Variants in SAMHD1 observed in about 807,000 individuals in gnomAD.
SAMHD1 encodes the protein deoxynucleoside triphosphate triphosphohydrolase SAMHD1.
SAMHD1 carries 54 observed loss-of-function variants against 79.6 expected under a neutral mutation model. The observed-to-expected ratio is 0.68, with a 90% CI of 0.55 to 0.85. The LOEUF (loss-of-function observed/expected upper bound fraction) is 0.85, where lower values mean the gene tolerates loss of function less well. Among genes scored for constraint, SAMHD1 ranks in the 40% least tolerant of loss-of-function variants. The probability of loss-of-function intolerance (pLI) is 0.00; values close to 1 mark genes in which losing one functional copy is unlikely to be tolerated. For synonymous variants in SAMHD1, 260 were observed against 264.1 expected, an observed-to-expected ratio of 0.98 and a Z score of 0.15; for missense variants, 663 against 782.7, an observed-to-expected ratio of 0.85 and a Z score of 1.82.
intron 3 of SAMHD1, chr20:36,940,701 TA>T (rs897249101): frequency 0.017 from 4,720 of 283,408 alleles, no homozygotes; most frequent in South Asian, 0.028. Flanking sequence ...CACATTTCAT[TA>T]AAAAAAAAAG....
At chr20:36,940,960 T>A in intron 3 of SAMHD1, 79 bp downstream of exon 3, 1 of 1,092,240 alleles carries the variant, frequency 9.2e-7, no homozygotes, top group Non-Finnish European at 1.4e-6. Context: ...TTTCCTCCTA[T>A]TCTCTTCAAA....
At chr20:36,925,434 G>A (rs187226025) in intron 6 of SAMHD1, among the ~76,000 whole-genome samples, 1 of 152,274 alleles carries the variant, frequency 6.6e-6, no homozygotes, top group Admixed American at 6.5e-5. Context: ...ATGGTTTTTT[G>A]CCTAAGGGCA....
At chr20:36,912,683 AAC>A in intron 9 of SAMHD1, 131 bp from the exon 10 acceptor site, 1 of 695,068 alleles carries the variant, frequency 1.4e-6, no homozygotes, top group Admixed American at 2.1e-5. Context: ...CTTCTTCATT[AAC>A]ACCTTTGACC....
intron 12 of SAMHD1, 178 bp downstream of exon 12, chr20:36,905,186 T>C: frequency 1.5e-6 from 1 of 673,942 alleles, no homozygotes; most frequent in Non-Finnish European, 2.6e-6. Context: ...TTAATCTCAG[T>C]GAAGCCTCAG....
intron 1 of SAMHD1, chr20:36,947,122 G>A (rs1194509454): frequency 3.4e-6 from 1 of 291,862 alleles, no homozygotes; most frequent in African/African-American, 2.2e-5. Context: ...CAGCAGCTTT[G>A]AGTTGGGGAG....
chr20:36,929,483 C>T (rs972567537), intron 5 of SAMHD1, among the ~76,000 whole-genome samples: 51 of 151,946 alleles, frequency 3.4e-4, no homozygotes, highest in African/African-American at 1.2e-3. Context: ...GCCTGTATTC[C>T]CAACACTTTG....
intron 13 of SAMHD1, 200 bp downstream of exon 13, chr20:36,903,957 C>T (rs1167043364): frequency 1.8e-6 from 1 of 546,328 alleles, no homozygotes; most frequent in Non-Finnish European, 3.3e-6. Context: ...AATCACATGA[C>T]CACAATTATA....
intron 1 of SAMHD1, 28 bp downstream of exon 1, chr20:36,951,408 C>G (rs200839126): frequency 1.4e-4 from 223 of 1,612,064 alleles, no homozygotes; most frequent in Non-Finnish European, 1.8e-4. Flanking sequence ...CGCCGCCCTT[C>G]GCCCCTCAGC....
intron 3 of SAMHD1, among the ~76,000 whole-genome samples, chr20:36,935,571 ATT>A (rs35043095): frequency 2.4e-4 from 34 of 142,896 alleles, no homozygotes; most frequent in Non-Finnish European, 3.4e-4. Context: ...ATTATGTCTA[ATT>A]TTTTTTTTTT....
chr20:36,927,314 CT>C lies in SAMHD1; in HGVS notation c.626-63del, dbSNP rs529639777. 110,684 of 741,308 alleles carry C rather than the reference CT, an allele frequency of 0.15. 17 individuals carry two copies. Among genetic ancestry groups the C allele is most frequent in the South Asian group, 0.18 (11,118 of 60,826 alleles). 45.9% of individuals were successfully genotyped at this position (741,308 alleles called of 1,614,324 possible). ...TCTGTAAACCAACAAAAACTTTTTCCTTTTTTTTTTTTTTTTTTTTGAGACG... is the reference window on the plus strand; with the variant it reads ...TCTGTAAACCAACAAAAACTTTTTCCTTTTTTTTTTTTTTTTTTTGAGACG... On this transcript the variant is annotated intron_variant, in intron 5 of 15. Coordinates refer to ENST00000646673, the MANE Select transcript of SAMHD1 (RefSeq NM_015474.4).
At chr20:36,899,696 C>T (rs543254001) in intron 13 of SAMHD1, among the ~76,000 whole-genome samples, 1 of 152,148 alleles carries the variant, frequency 6.6e-6, no homozygotes, top group South Asian at 2.1e-4. Flanking sequence ...AGCTCAGAGG[C>T]AGAGAGGACT....
At chr20:36,927,887 C>T (rs1473657939) in intron 5 of SAMHD1, among the ~76,000 whole-genome samples, 1 of 152,144 alleles carries the variant, frequency 6.6e-6, no homozygotes, top group Non-Finnish European at 1.5e-5. Flanking sequence ...TATTCACAAG[C>T]ATGATCATTA....
Position 36,922,886 on chromosome 20 carries a change from C to T in SAMHD1, c.697-3367G>A, listed in dbSNP as rs547601543. On this transcript the variant is annotated intron_variant, in intron 6 of 15. Coordinates refer to ENST00000646673, the MANE Select transcript of SAMHD1 (RefSeq NM_015474.4). ...CTGGTCTTGAACTCCTGGGCTCAAG[C>T]GATCTGCCCACCTTGGCCTCCCAAA... Among the ~76,000 whole-genome samples, 4 of 152,164 alleles carry T rather than the reference C, an allele frequency of 2.6e-5. No individual in the cohort carries two copies. The South Asian group carries it at 6.2e-4, about 24-fold the overall frequency.
chr20:36,905,689 G>A (rs982640295), intron 11 of SAMHD1, among the ~76,000 whole-genome samples, 186 bp from the exon 12 acceptor site: 16 of 152,040 alleles, frequency 1.1e-4, no homozygotes, highest in African/African-American at 1.9e-4. Flanking sequence ...TGTTCCAGTC[G>A]GCCAGTCATA....
Position 36,904,253 on chromosome 20 carries a change from G to T in SAMHD1, c.1411-4C>A. 1 of 1,587,300 alleles carries T rather than the reference G, an allele frequency of 6.3e-7. No individual in the cohort carries two copies. The highest frequency in any genetic ancestry group is 1.1e-5 in the South Asian group (1 of 90,478). Reference sequence around the variant, plus strand: ...TTGGAAGAGATTCATAGTCCTCCTGGAAAACACAAGACTCCCCATGTTAGA... The same window carrying T: ...TTGGAAGAGATTCATAGTCCTCCTGTAAAACACAAGACTCCCCATGTTAGA... On this transcript the variant is annotated splice_region_variant and splice_polypyrimidine_tract_variant and intron_variant, in intron 12 of 15. Coordinates refer to ENST00000646673, the MANE Select transcript of SAMHD1 (RefSeq NM_015474.4).
intron 15 of SAMHD1, 180 bp from the exon 16 acceptor site, chr20:36,893,246 TAC>T: frequency 1.4e-6 from 1 of 703,338 alleles, no homozygotes; most frequent in South Asian, 1.8e-5. Context: ...TTAGAAACAC[TAC>T]AGTCTTACGC....
At chr20:36,914,597 T>C (rs555841799) in intron 9 of SAMHD1, among the ~76,000 whole-genome samples, 2 of 151,716 alleles carry the variant, frequency 1.3e-5, no homozygotes, top group South Asian at 2.1e-4. Context: ...TAACCTCAGG[T>C]GATCTGCCCA....
intron 11 of SAMHD1, among the ~76,000 whole-genome samples, chr20:36,908,755 G>A (rs991348698): frequency 1.3e-5 from 2 of 152,018 alleles, no homozygotes; most frequent in African/African-American, 4.8e-5. Flanking sequence ...GCTAGTTTAG[G>A]TTTCATTCTG....
chr20:36,905,263 A>T, intron 12 of SAMHD1, 101 bp downstream of exon 12: 2 of 1,286,390 alleles, frequency 1.6e-6, no homozygotes, highest in Admixed American at 3.4e-5. Flanking sequence ...GAATAAACGT[A>T]AAGCACTTAG....
Sources: gnomAD v4.1 joint callset for allele counts (sites outside exome capture counted in the v4.1 genomes callset) on GRCh38, gnomAD v4.1.1 for gene constraint, MANE v1.5 for transcripts, NCBI Gene and HGNC (gene_info 2026-07-23, HGNC 2026-07-21) for gene names.